Variants in CLEC16A observed in about 807,000 individuals in gnomAD.
CLEC16A encodes protein CLEC16A.
Under a neutral mutation model 109.5 loss-of-function variants are expected in CLEC16A, and 51 were observed. The observed-to-expected ratio is 0.47, with a 90% CI of 0.37 to 0.59. The LOEUF (loss-of-function observed/expected upper bound fraction) is 0.59, where lower values mean the gene tolerates loss of function less well. Ranked by LOEUF, CLEC16A falls within the 20% of genes least tolerant of loss-of-function variation. CLEC16A has a pLI of 0.00. For missense variants in CLEC16A, 1,339 were observed against 1,394.0 expected (o/e 0.96, Z 0.63); for synonymous variants, 673 against 564.2 (o/e 1.19, Z -2.73).
chr16:11,150,920 G>C (rs183649303), intron 22 of CLEC16A, among the ~76,000 whole-genome samples: 25 of 152,274 alleles, frequency 1.6e-4, no homozygotes, highest in Non-Finnish European at 3.5e-4. Flanking sequence ...TCATCTTCAC[G>C]TGATGTTCTA....
At chr16:11,142,717 G>A (rs2053892500) in intron 22 of CLEC16A, among the ~76,000 whole-genome samples, 1 of 152,226 alleles carries the variant, frequency 6.6e-6, no homozygotes, top group African/African-American at 2.4e-5. Flanking sequence ...ATGTGAGTTT[G>A]GGACTTCTTT....
At chr16:11,025,949 C>A (rs1226340873) in intron 13 of CLEC16A, among the ~76,000 whole-genome samples, 1 of 152,174 alleles carries the variant, frequency 6.6e-6, no homozygotes, top group Admixed American at 6.5e-5. Context: ...TGTATGACTG[C>A]CCACTTAGCT....
chr16:10,973,171 TAGGCAG>T (rs2042875695), intron 7 of CLEC16A, 110 bp downstream of exon 7: 2 of 1,267,886 alleles, frequency 1.6e-6, no homozygotes, highest in Non-Finnish European at 2.1e-6. Context: ...TACCTCTGTG[TAGGCAG>T]AGCATGGACT....
chr16:11,149,363 GGAA>G (rs1343031947), intron 22 of CLEC16A, among the ~76,000 whole-genome samples: 21 of 152,246 alleles, frequency 1.4e-4, no homozygotes, highest in African/African-American at 4.8e-4. Context: ...AGAAGCTACA[GGAA>G]GAAGAAATCA....
intron 19 of CLEC16A, chr16:11,070,869 A>C (rs2049033387): frequency 6.6e-6 from 1 of 152,322 alleles, no homozygotes; most frequent in Non-Finnish European, 1.5e-5. Flanking sequence ...CACGAGGCCC[A>C]TGAAAGCTCA....
rs901828335 is a variant in CLEC16A, at chr16:11,042,131, T to G, written c.1661-123T>G. ...GTTCCCACTGTGTCCCCACTGGATG[T>G]TGGGAGCCATGAGCAGTTGGTCTAT... On this transcript the variant is annotated intron_variant, in intron 14 of 23. Coordinates refer to ENST00000409790, the MANE Select transcript of CLEC16A (RefSeq NM_015226.3). The G allele has an allele frequency of 6.1e-6, 4 of 657,650 alleles. No individual in the cohort carries two copies. In the African/African-American group the frequency reaches 7.2e-5, roughly 12 times the overall value. 40.7% of individuals were successfully genotyped at this position (657,650 alleles called of 1,614,324 possible).
At chr16:11,170,705 G>A (rs1030474420) in intron 23 of CLEC16A, among the ~76,000 whole-genome samples, 2 of 152,292 alleles carry the variant, frequency 1.3e-5, no homozygotes, top group Admixed American at 6.5e-5. Context: ...GTGAATTATT[G>A]TTTTCCAAGC....
In CLEC16A at chr16:11,166,529, C is replaced by G. The variant is rs74163625; in HGVS notation, c.2783C>G (p.Pro928Arg). 2.1e-5 allele frequency: 33 copies of G among 1,605,572 alleles called. No homozygotes were observed. The highest frequency in any genetic ancestry group is 2.6e-5 in the Non-Finnish European group (31 of 1,177,854). The change falls in exon 23 of 24, where the codon CCC becomes CGC. Residue 928 changes from proline (P) to arginine (R), a missense_variant. Pro to Arg is a moderately radical substitution (Grantham distance 103). This residue lies in a region of CLEC16A where 1,061 missense variants were observed against 1,006.8 expected (regional missense o/e 1.05). Transcript: ENST00000409790. Reference sequence around the variant, plus strand: ...GGAGGCACCAGCTCGTCCTCCACCCCCTCCACAGCCCAGAGTCCAGCAGGT... The same window carrying G: ...GGAGGCACCAGCTCGTCCTCCACCCGCTCCACAGCCCAGAGTCCAGCAGGT... ...DSGGTSSSST[P>R]STAQSPADAP...
At chr16:10,982,291 G>T (rs1038361992) in intron 9 of CLEC16A, among the ~76,000 whole-genome samples, 9 of 152,150 alleles carry the variant, frequency 5.9e-5, no homozygotes, top group Admixed American at 5.9e-4. Flanking sequence ...ACCTGGGTTT[G>T]CCTCTGTCTC....
chr16:11,141,848 A>T (rs2053846321), intron 22 of CLEC16A, among the ~76,000 whole-genome samples: 1 of 152,172 alleles, frequency 6.6e-6, no homozygotes, highest in Non-Finnish European at 1.5e-5. Flanking sequence ...CAGGCAAAGC[A>T]TTTCCCATTT....
intron 14 of CLEC16A, chr16:11,041,277 C>G (rs2047320994): frequency 6.6e-6 from 1 of 152,218 alleles, no homozygotes; most frequent in Non-Finnish European, 1.5e-5. Flanking sequence ...CACTGTGCCT[C>G]GTTCACAGTG....
chr16:11,159,553 A>G (rs565765959), intron 22 of CLEC16A, among the ~76,000 whole-genome samples: 1 of 152,376 alleles, frequency 6.6e-6, no homozygotes, highest in East Asian at 1.9e-4. Context: ...CCATTTAGAA[A>G]AAATGTTTGA....
chr16:11,126,013 A>G lies in CLEC16A; in HGVS notation c.2508A>G (p.Glu836=). ...LLDLPIQPTT[E]VLGFGLGSST... The stretch of plus-strand genomic sequence containing the variant: ...ACCTCCCAATCCAGCCCACCACTGA[A>G]GTCCTGGGGTTTGGACTCGGCTCCT... The change falls in exon 22 of 24, where the codon GAA becomes GAG. Residue 836 remains glutamate, a synonymous_variant. Transcript: ENST00000409790. 6.2e-7 allele frequency: 1 copy of G among 1,609,676 alleles called. No individual in the cohort carries two copies. The highest frequency in any genetic ancestry group is 8.5e-7 in the Non-Finnish European group (1 of 1,178,248).
chr16:11,169,497 G>A (rs1249983658), intron 23 of CLEC16A, among the ~76,000 whole-genome samples: 1 of 152,164 alleles, frequency 6.6e-6, no homozygotes, highest in Non-Finnish European at 1.5e-5. Flanking sequence ...ATGTTGGCCA[G>A]GCTGGTCTTG....
intron 13 of CLEC16A, among the ~76,000 whole-genome samples, chr16:11,036,947 T>C (rs1191258292): frequency 1.3e-5 from 2 of 152,244 alleles, no homozygotes; most frequent in African/African-American, 2.4e-5. Flanking sequence ...AAACTAAAAA[T>C]TCCCATTTGT....
intron 2 of CLEC16A, among the ~76,000 whole-genome samples, chr16:10,960,964 A>G (rs1168119759): frequency 2.6e-5 from 4 of 152,086 alleles, no homozygotes; most frequent in Admixed American, 2.0e-4. Flanking sequence ...CTCCAGTCCT[A>G]CAATCACCCT....
chr16:11,097,853 C>G (rs189565352), intron 19 of CLEC16A, among the ~76,000 whole-genome samples: 15 of 152,354 alleles, frequency 9.8e-5, no homozygotes, highest in Middle Eastern at 3.4e-3. Context: ...GAGCACAAAC[C>G]TATGATCAGA....
chr16:10,960,174 G>A (rs2042188882), intron 2 of CLEC16A, among the ~76,000 whole-genome samples: 1 of 152,166 alleles, frequency 6.6e-6, no homozygotes, highest in African/African-American at 2.4e-5. Flanking sequence ...AACTGACATT[G>A]GTACAGTATT....
intron 13 of CLEC16A, among the ~76,000 whole-genome samples, chr16:11,035,797 G>T (rs962430807): frequency 1.3e-5 from 2 of 152,200 alleles, no homozygotes; most frequent in Non-Finnish European, 2.9e-5. Flanking sequence ...CAGAGAGACT[G>T]GTGATTTTGT....
Sources: gnomAD v4.1 joint callset for allele counts (sites outside exome capture counted in the v4.1 genomes callset) on GRCh38, gnomAD v4.1.1 for gene constraint, gnomAD v4.1.1 regional missense constraint, MANE v1.5 for transcripts, NCBI Gene and HGNC (gene_info 2026-07-23, HGNC 2026-07-21) for gene names.